The following SPPL3 variants were observed in gnomAD, a reference collection of about 807,000 sequenced individuals.
The protein encoded by SPPL3 is signal peptide peptidase like 3, also known as signal peptide peptidase-like 3.
SPPL3 carries 5 observed loss-of-function variants against 42.4 expected under a neutral mutation model. The ratio of observed to expected loss-of-function variants is 0.12; its 90% CI spans 0.06 to 0.25. SPPL3 has a LOEUF of 0.25. Among genes scored for constraint, SPPL3 ranks in the 10% least tolerant of loss-of-function variants. The pLI, the probability that SPPL3 is intolerant of heterozygous loss-of-function variation, is 1.00. For synonymous variants in SPPL3, 195 were observed against 181.8 expected, an observed-to-expected ratio of 1.07 and a Z score of -0.58; for missense variants, 235 against 489.0, an observed-to-expected ratio of 0.48 and a Z score of 4.90.
chr12:120,878,282 C>G (rs1430172120), intron 1 of SPPL3, among the ~76,000 whole-genome samples: 1 of 151,930 alleles, frequency 6.6e-6, no homozygotes, highest in African/African-American at 2.4e-5. Flanking sequence ...AGATTTTGTC[C>G]CAGTTAAGTA....
intron 10 of SPPL3, 148 bp from the exon 11 acceptor site, chr12:120,765,218 A>G: frequency 3.1e-6 from 2 of 635,528 alleles, no homozygotes; most frequent in Non-Finnish European, 2.6e-6. Flanking sequence ...GGCTCGGGCA[A>G]TTCTCCTGCC....
chr12:120,825,538 T>C (rs1272490162), intron 1 of SPPL3, among the ~76,000 whole-genome samples: 1 of 152,166 alleles, frequency 6.6e-6, no homozygotes, highest in East Asian at 1.9e-4. Context: ...TACACAGGAA[T>C]ATCAACAGGA....
chr12:120,885,070 C>A (rs1351581670), intron 1 of SPPL3, among the ~76,000 whole-genome samples: 1 of 152,086 alleles, frequency 6.6e-6, no homozygotes, highest in Non-Finnish European at 1.5e-5. Context: ...AACAAAAAAA[C>A]CCTTATATTA....
At chr12:120,849,052 C>T (rs1435265428) in intron 1 of SPPL3, among the ~76,000 whole-genome samples, 1 of 151,906 alleles carries the variant, frequency 6.6e-6, no homozygotes, top group Non-Finnish European at 1.5e-5. Context: ...TATTCTTAGA[C>T]ATGCTCATGG....
intron 2 of SPPL3, among the ~76,000 whole-genome samples, chr12:120,800,610 C>A (rs1055515099): frequency 1.3e-5 from 2 of 152,010 alleles, no homozygotes; most frequent in Non-Finnish European, 2.9e-5. Context: ...TTTACCATCA[C>A]AGAAAAAAAA....
intron 1 of SPPL3, among the ~76,000 whole-genome samples, chr12:120,824,876 C>T (rs535225487): frequency 2.1e-4 from 32 of 152,254 alleles, no homozygotes; most frequent in African/African-American, 7.7e-4. Flanking sequence ...AAAAGAGTAA[C>T]AAACTTCCAT....
At chr12:120,806,302 GA>G (rs1240674550) in intron 2 of SPPL3, among the ~76,000 whole-genome samples, 1 of 150,960 alleles carries the variant, frequency 6.6e-6, no homozygotes, top group Non-Finnish European at 1.5e-5. Flanking sequence ...GGGCTCAGGT[GA>G]TCCTCCCACC....
chr12:120,876,404 G>A lies in SPPL3; in HGVS notation c.23+27441C>T, dbSNP rs1197327723. Among the ~76,000 whole-genome samples, 3 of 151,780 alleles carry A rather than the reference G, an allele frequency of 2.0e-5. 1 individual carries two copies. The highest frequency in any genetic ancestry group is 7.2e-5 in the African/African-American group (3 of 41,390). On this transcript the variant is annotated intron_variant, in intron 1 of 10. Transcript: ENST00000353487. ...TGAGGCGGGCAGATCATGAGGTCAG[G>A]AGCTCGAGACCATCCTGACTAACAC...
chr12:120,765,594 G>C (rs1399603656), intron 10 of SPPL3, among the ~76,000 whole-genome samples: 1 of 152,168 alleles, frequency 6.6e-6, no homozygotes, highest in Non-Finnish European at 1.5e-5. Flanking sequence ...TCTGATGCTT[G>C]ATCTGAGATC....
chr12:120,764,257 T>C lies in SPPL3; in HGVS notation c.*742A>G, dbSNP rs745837671. 2 of 152,436 alleles carry C rather than the reference T, an allele frequency of 1.3e-5. No homozygotes were observed. Among genetic ancestry groups the C allele is most frequent in the Non-Finnish European group, 2.9e-5 (2 of 68,042 alleles). The allele number at this position is 152,436 out of a possible 1,614,324, so 9.4% of individuals were successfully genotyped here. On this transcript the variant is annotated 3_prime_UTR_variant, in exon 11 of 11. Transcript: ENST00000353487. ...AAAACGACAGCAAGCCCCTGTCAGC[T>C]ACACAGCGTGATCTTAGCAGGATTT... is the stretch of plus-strand genomic sequence containing the variant.
chr12:120,784,600 G>A lies in SPPL3; in HGVS notation c.191-7C>T. The A allele has an allele frequency of 6.3e-7, 1 of 1,599,226 alleles. No homozygotes were observed. Among genetic ancestry groups the A allele is most frequent in the South Asian group, 1.1e-5 (1 of 88,398 alleles). On this transcript the variant is annotated splice_region_variant and splice_polypyrimidine_tract_variant and intron_variant, in intron 3 of 10. Coordinates refer to ENST00000353487, the MANE Select transcript of SPPL3 (RefSeq NM_139015.5). Reference sequence around the variant, plus strand: ...GAGTCAATTGTTTGGATGCCTGAAAGAGAAAAACAGACAGATTAATAACTT... The same window carrying A: ...GAGTCAATTGTTTGGATGCCTGAAAAAGAAAAACAGACAGATTAATAACTT...
chr12:120,786,292 CTA>C (rs1869718905), intron 3 of SPPL3, among the ~76,000 whole-genome samples: 1 of 152,168 alleles, frequency 6.6e-6, no homozygotes, highest in Admixed American at 6.5e-5. Context: ...AGACAAAACT[CTA>C]TGAAATCTCT....
chr12:120,881,001 C>G (rs1488456543), intron 1 of SPPL3, among the ~76,000 whole-genome samples: 1 of 151,890 alleles, frequency 6.6e-6, no homozygotes, highest in African/African-American at 2.4e-5. Context: ...ATCAAAATCA[C>G]AATGAGATAC....
chr12:120,884,686 C>T (rs1593011093), intron 1 of SPPL3, among the ~76,000 whole-genome samples: 1 of 151,460 alleles, frequency 6.6e-6, no homozygotes, highest in East Asian at 1.9e-4. Flanking sequence ...TGTTTATCTA[C>T]ACTTTTCAAT....
chr12:120,896,792 A>T (rs545391541), intron 1 of SPPL3, among the ~76,000 whole-genome samples: 1 of 152,132 alleles, frequency 6.6e-6, no homozygotes, highest in Non-Finnish European at 1.5e-5. Context: ...AAAAAAAAAG[A>T]AAGTGAAAGT....
chr12:120,768,256 G>C (rs1868981542), intron 8 of SPPL3, 69 bp downstream of exon 8: 8 of 1,532,886 alleles, frequency 5.2e-6, no homozygotes, highest in Non-Finnish European at 7.1e-6. Context: ...TGACATTAGA[G>C]ACTGATCAAG....
chr12:120,873,803 C>T (rs1356262503), intron 1 of SPPL3, among the ~76,000 whole-genome samples: 7 of 151,922 alleles, frequency 4.6e-5, no homozygotes, highest in African/African-American at 1.2e-4. Flanking sequence ...AACCGGGAGG[C>T]GGAGGTTGCA....
Position 120,784,531 on chromosome 12 carries a change from A to G in SPPL3, c.253T>C (p.Leu85=), listed in dbSNP as rs760238561. The stretch of plus-strand genomic sequence containing the variant: ...GAGTCAAAGAAGAAGAACATTACTA[A>G]AAGAGAGACAGATGCTCCAATTGGA... The part of the protein sequence containing the change: ...FLPIGASVSL[L]VMFFFFDSVQ... Residue 85 remains leucine (L), a synonymous_variant, in exon 4 of 11, where the codon TTA becomes CTA. Transcript: ENST00000353487. The G allele has an allele frequency of 8.7e-6, 14 of 1,613,028 alleles. No individual in the cohort carries two copies. In the East Asian group the frequency reaches 2.9e-4, roughly 33 times the overall value.
intron 6 of SPPL3, among the ~76,000 whole-genome samples, chr12:120,779,948 A>C (rs1869466417): frequency 6.6e-6 from 1 of 150,790 alleles, no homozygotes; most frequent in African/African-American, 2.4e-5. Context: ...CAGTGAGCTG[A>C]GATCGTGCCA....
Sources: gnomAD v4.1 joint callset for allele counts (sites outside exome capture counted in the v4.1 genomes callset) on GRCh38, gnomAD v4.1.1 for gene constraint, MANE v1.5 for transcripts, NCBI Gene and HGNC (gene_info 2026-07-23, HGNC 2026-07-21) for gene names.